GSTCD: variants seen among roughly 807,000 people sequenced by gnomAD.
GSTCD encodes the protein glutathione S-transferase C-terminal domain-containing protein.
Under a neutral mutation model 68.3 loss-of-function variants are expected in GSTCD, and 44 were observed. That is an observed-to-expected ratio of 0.64 (90% CI 0.51 to 0.83). The LOEUF (loss-of-function observed/expected upper bound fraction) is 0.83, where lower values mean the gene tolerates loss of function less well. Ranked by LOEUF, GSTCD falls within the 40% of genes least tolerant of loss-of-function variation. The pLI, the probability that GSTCD is intolerant of heterozygous loss-of-function variation, is 0.00. For missense variants in GSTCD, 739 were observed against 735.9 expected (o/e 1.00, Z -0.05); for synonymous variants, 273 against 255.2 (o/e 1.07, Z -0.67).
intron 5 of GSTCD, among the ~76,000 whole-genome samples, chr4:105,756,964 G>A (rs528638914): frequency 1.6e-3 from 242 of 152,178 alleles, no homozygotes; most frequent in Admixed American, 3.3e-3. Flanking sequence ...TATGCAAATC[G>A]CTTGTTGTGT....
At chr4:105,769,895 A>G (rs1384885830) in intron 5 of GSTCD, among the ~76,000 whole-genome samples, 1 of 152,118 alleles carries the variant, frequency 6.6e-6, no homozygotes. Flanking sequence ...AGGTGGGACT[A>G]CAGGCCCACC....
intron 5 of GSTCD, among the ~76,000 whole-genome samples, chr4:105,751,017 G>A (rs1472365583): frequency 6.6e-6 from 1 of 152,112 alleles, no homozygotes; most frequent in Non-Finnish European, 1.5e-5. Context: ...TTGTGGAGAG[G>A]GGTTTGTTAC....
chr4:105,743,567 T>A (rs1330458151), intron 5 of GSTCD, among the ~76,000 whole-genome samples: 1 of 151,952 alleles, frequency 6.6e-6, no homozygotes, highest in Admixed American at 6.6e-5. Context: ...TATTATTATA[T>A]TTTTAATGGA....
At chr4:105,844,150 C>T (rs1214690300) in intron 11 of GSTCD, among the ~76,000 whole-genome samples, 2 of 152,056 alleles carry the variant, frequency 1.3e-5, no homozygotes, top group Non-Finnish European at 2.9e-5. Flanking sequence ...TCAATGTAAA[C>T]CCTGGGTGGG....
chr4:105,716,026 C>A (rs1443679462), intron 1 of GSTCD, among the ~76,000 whole-genome samples: 1 of 152,138 alleles, frequency 6.6e-6, no homozygotes, highest in African/African-American at 2.4e-5. Flanking sequence ...GACCTCAAGA[C>A]TGTGTGTGTT....
chr4:105,830,981 A>G (rs2149281463), intron 8 of GSTCD, among the ~76,000 whole-genome samples: 1 of 152,358 alleles, frequency 6.6e-6, no homozygotes, highest in Admixed American at 6.5e-5. Context: ...TACGTTCATC[A>G]TATAGAAAAA....
intron 5 of GSTCD, among the ~76,000 whole-genome samples, chr4:105,806,456 G>T (rs958393628): frequency 2.6e-5 from 4 of 151,842 alleles, no homozygotes; most frequent in Non-Finnish European, 4.4e-5. Flanking sequence ...TTTATATTTG[G>T]CCATTAAACC....
At chr4:105,728,981 C>A (rs2149211887) in intron 4 of GSTCD, among the ~76,000 whole-genome samples, 1 of 152,180 alleles carries the variant, frequency 6.6e-6, no homozygotes, top group African/African-American at 2.4e-5. Context: ...AAAGTGGTAG[C>A]TTTTAGGCTG....
At chr4:105,743,587 A>C (rs547134539) in intron 5 of GSTCD, among the ~76,000 whole-genome samples, 4 of 148,604 alleles carry the variant, frequency 2.7e-5, no homozygotes, top group Admixed American at 2.7e-4. Context: ...ACTGTTTGGG[A>C]GTAAGTTGCA....
At chr4:105,738,541 GTCC>G (rs1424593134) in intron 5 of GSTCD, among the ~76,000 whole-genome samples, 1 of 151,856 alleles carries the variant, frequency 6.6e-6, no homozygotes, top group Non-Finnish European at 1.5e-5. Flanking sequence ...TTTTTTGTGT[GTCC>G]TCTTCAATTT....
At chr4:105,841,523 G>A (rs1301898065) in intron 10 of GSTCD, among the ~76,000 whole-genome samples, 2 of 152,028 alleles carry the variant, frequency 1.3e-5, no homozygotes, top group Non-Finnish European at 2.9e-5. Flanking sequence ...GATTTTCTGT[G>A]CATCTATTCT....
At chr4:105,824,899 C>G (rs929907536) in intron 7 of GSTCD, among the ~76,000 whole-genome samples, 1 of 152,108 alleles carries the variant, frequency 6.6e-6, no homozygotes, top group African/African-American at 2.4e-5. Flanking sequence ...GTTTCTCTCC[C>G]TAAAATACCC....
chr4:105,837,774 A>G, intron 9 of GSTCD, 85 bp from the exon 10 acceptor site: 2 of 604,522 alleles, frequency 3.3e-6, no homozygotes, highest in Admixed American at 3.8e-5. Flanking sequence ...CATACAAAGC[A>G]TATTTTTATA....
intron 9 of GSTCD, among the ~76,000 whole-genome samples, chr4:105,837,442 C>T (rs28547256): frequency 6.6e-6 from 1 of 152,118 alleles, no homozygotes; most frequent in Non-Finnish European, 1.5e-5. Context: ...CTGGTGTTTC[C>T]CCATGTGGCC....
chr4:105,742,889 G>C (rs960988949), intron 5 of GSTCD, among the ~76,000 whole-genome samples: 5 of 150,484 alleles, frequency 3.3e-5, no homozygotes, highest in African/African-American at 1.2e-4. Flanking sequence ...TAATTTTTTA[G>C]TTTTGTGTAG....
At chr4:105,729,263 AATATGT>A in intron 4 of GSTCD, 137 bp from the exon 5 acceptor site, 2 of 401,364 alleles carry the variant, frequency 5.0e-6, no homozygotes, top group Non-Finnish European at 8.8e-6. Context: ...ATTTAATTAA[AATATGT>A]ATTTTGGGGA....
chr4:105,730,077 C>A (rs917725588), intron 5 of GSTCD, among the ~76,000 whole-genome samples: 2 of 152,108 alleles, frequency 1.3e-5, no homozygotes, highest in Non-Finnish European at 2.9e-5. Flanking sequence ...TGAACTCATC[C>A]TTTTTTATGG....
At chr4:105,796,539 G>A (rs1470013123) in intron 5 of GSTCD, among the ~76,000 whole-genome samples, 1 of 152,086 alleles carries the variant, frequency 6.6e-6, no homozygotes, top group Non-Finnish European at 1.5e-5. Context: ...TACAACATTT[G>A]CCAGGTCTGG....
chr4:105,791,392 CA>C (rs56388145), intron 5 of GSTCD, among the ~76,000 whole-genome samples: 658 of 57,322 alleles, frequency 0.011, 2 homozygotes, highest in South Asian at 0.033. Flanking sequence ...GACTCCGTCT[CA>C]AAAAAAAAAA....
Sources: allele counts gnomAD v4.1 joint callset (sites outside exome capture counted in the v4.1 genomes callset), GRCh38; gene constraint gnomAD v4.1.1; transcripts MANE v1.5; gene names NCBI Gene and HGNC (gene_info 2026-07-23, HGNC 2026-07-21).